The following SYNPO variants were observed in gnomAD, a reference collection of about 807,000 sequenced individuals.
The protein encoded by SYNPO is synaptopodin.
A neutral mutation model predicts 49.5 loss-of-function variants in SYNPO; 19 were observed. The observed-to-expected ratio is 0.38, with a 90% confidence interval of 0.27 to 0.56. SYNPO has a LOEUF of 0.56. SYNPO is among the 20% of genes least tolerant of loss of function. SYNPO has a pLI of 0.68. For missense variants in SYNPO, 1,131 were observed against 1,248.3 expected, an observed-to-expected ratio of 0.91 and a Z score of 1.42; for synonymous variants, 536 against 548.0, an observed-to-expected ratio of 0.98 and a Z score of 0.31.
intron 1 of SYNPO, among the ~76,000 whole-genome samples, chr5:150,611,095 T>C (rs1157828604): frequency 1.3e-5 from 2 of 152,242 alleles, no homozygotes; most frequent in South Asian, 2.1e-4. Context: ...AGATTTGTTA[T>C]GTTCATAGCA....
Position 150,610,440 on chromosome 5 carries a change from C to G in SYNPO, c.-265-7663C>G, listed in dbSNP as rs1756815542. The stretch of plus-strand genomic sequence containing the variant: ...CCTGCTCTGGGATCATGGGCACAGA[C>G]TCACCCTCTGTGAGCCTCTGCTTCC... On this transcript the variant is annotated intron_variant, in intron 1 of 2. Coordinates refer to the SYNPO transcript ENST00000394243. Among the ~76,000 whole-genome samples, 4 of 152,326 alleles carry G rather than the reference C, an allele frequency of 2.6e-5. No individual in the cohort carries two copies. In the East Asian group the frequency reaches 7.7e-4, roughly 29 times the overall value.
chr5:150,614,487 G>A (rs1433219155), intron 1 of SYNPO: 1 of 152,426 alleles, frequency 6.6e-6, no homozygotes, highest in East Asian at 1.9e-4. Context: ...TGACCCCTCA[G>A]AGGGAGCAGG....
At chr5:150,655,992 T>C (rs959999736) in intron 2 of SYNPO, among the ~76,000 whole-genome samples, 2 of 152,252 alleles carry the variant, frequency 1.3e-5, no homozygotes, top group Admixed American at 1.3e-4. Context: ...TATTGAGCAC[T>C]TTCTTCCAAG....
At chr5:150,604,572 A>G (rs1756639219) in intron 1 of SYNPO, among the ~76,000 whole-genome samples, 1 of 152,200 alleles carries the variant, frequency 6.6e-6, no homozygotes, top group Non-Finnish European at 1.5e-5. Flanking sequence ...TTAGGCGAGG[A>G]AAAACTGAAG....
chr5:150,643,348 A>C (rs144045384), intron 1 of SYNPO, among the ~76,000 whole-genome samples: 3 of 152,346 alleles, frequency 2.0e-5, no homozygotes, highest in East Asian at 1.9e-4. Context: ...TTTGGAAATT[A>C]AATAATATGA....
rs752357306 is a variant in SYNPO, at chr5:150,649,650, C to G, written c.1375C>G (p.Pro459Ala). ...AGAGTGGGCCTCCTGCCTCAAGTCA[C>G]CCCGCATCCAGGCCAAGCCGAAGCC... ...VPEWASCLKS[P>A]RIQAKPKPKP... Residue 459 changes from proline to alanine, a missense_variant, in exon 2 of 3, where the codon CCC becomes GCC. Pro to Ala is a conservative substitution (Grantham distance 27). Coordinates refer to ENST00000307662, the MANE Select transcript of SYNPO (RefSeq NM_007286.6). 15 of 1,609,436 alleles carry G rather than the reference C, an allele frequency of 9.3e-6. No individual in the cohort carries two copies. The highest frequency in any genetic ancestry group is 1.2e-5 in the Non-Finnish European group (14 of 1,179,926).
At chr5:150,595,852 A>AC in the SYNPO span, among the ~76,000 whole-genome samples, 2 of 34,274 alleles carry the variant, frequency 5.8e-5, no homozygotes, top group South Asian at 1.0e-3. Context: ...CATGCCCCCC[A>AC]CCCCCCCAGC....
rs145558678 is a variant in SYNPO at position 150,632,985 on chromosome 5, C to T, written c.400+14218C>T. 4.6e-5 allele frequency among the ~76,000 whole-genome samples: 7 copies of T among 152,296 alleles called. No individual in the cohort carries two copies. The East Asian group carries it at 1.3e-3, about 29-fold the overall frequency. Reference sequence around the variant, plus strand: ...CCTTCTGGCCCTGATCGTCCCTGCTCAGAGTCCCTACCCCTCGACCTGGGA... The same window carrying T: ...CCTTCTGGCCCTGATCGTCCCTGCTTAGAGTCCCTACCCCTCGACCTGGGA... On this transcript the variant is annotated intron_variant, in intron 2 of 2. Coordinates refer to the SYNPO transcript ENST00000394243.
intron 2 of SYNPO, among the ~76,000 whole-genome samples, chr5:150,622,797 C>T (rs1757222493): frequency 6.6e-6 from 1 of 152,242 alleles, no homozygotes; most frequent in Non-Finnish European, 1.5e-5. Context: ...TCCCCTGCTC[C>T]ACAGTGATTG....
At chr5:150,639,544 C>T (rs1014836524), upstream of SYNPO, among the ~76,000 whole-genome samples, 3 of 152,200 alleles carry the variant, frequency 2.0e-5, no homozygotes, top group African/African-American at 7.2e-5. Flanking sequence ...GGCGTCCAGG[C>T]TTGAGATCAG....
At chr5:150,625,028 AC>A in intron 2 of SYNPO, 2 of 950,354 alleles carry the variant, frequency 2.1e-6, no homozygotes, top group Non-Finnish European at 2.5e-6. Context: ...CAGTCCTCGC[AC>A]GCGGGGTGAC....
chr5:150,644,502 A>G (rs1292428047), intron 1 of SYNPO, among the ~76,000 whole-genome samples: 1 of 152,182 alleles, frequency 6.6e-6, no homozygotes, highest in Non-Finnish European at 1.5e-5. Flanking sequence ...GAATGGGGTG[A>G]CCAATTGCCA....
In SYNPO at chr5:150,656,883, C is replaced by T; in HGVS notation, c.2508C>T (p.Thr836=). The change falls in exon 3 of 3, where the codon ACC becomes ACT. Residue 836 remains threonine (T), a synonymous_variant. Transcript: ENST00000307662. ...SPLPAGPSSC[T]SPRSPLPAPP... ...TGCCCGCCGGTCCTTCGTCCTGCAC[C>T]AGTCCCCGGAGCCCGCTGCCCGCGC... The T allele has an allele frequency of 1.9e-6, 3 of 1,576,428 alleles. No homozygotes were observed. The highest frequency in any genetic ancestry group is 2.6e-6 in the Non-Finnish European group (3 of 1,162,632).
chr5:150,649,188 C>A lies in SYNPO; in HGVS notation c.913C>A (p.Pro305Thr). ...VERRMMGQRS[P>T]ASERRPLGNF... ...AAGGAGGATGATGGGGCAGCGAAGC[C>A]CGGCCTCAGAGAGACGCCCCTTGGG... The change falls in exon 2 of 3, where the codon CCG becomes ACG. Residue 305 changes from proline to threonine, a missense_variant. By Grantham distance (38) the Pro-to-Thr change is conservative (BLOSUM62 -1). This residue lies in a region of SYNPO where 602 missense variants were observed against 720.7 expected (regional missense o/e 0.84). Transcript: ENST00000307662. The A allele has an allele frequency of 6.2e-7, 1 of 1,614,186 alleles. No homozygotes were observed. Among genetic ancestry groups the A allele is most frequent in the Non-Finnish European group, 8.5e-7 (1 of 1,180,046 alleles).
intron 2 of SYNPO, among the ~76,000 whole-genome samples, chr5:150,632,815 G>C (rs778500536): frequency 1.5e-4 from 23 of 152,120 alleles, no homozygotes; most frequent in Non-Finnish European, 2.9e-4. Context: ...GAACATACTA[G>C]TGCATTATTT....
chr5:150,641,066 C>T (rs925848388), intron 1 of SYNPO, among the ~76,000 whole-genome samples: 1 of 152,324 alleles, frequency 6.6e-6, no homozygotes, highest in East Asian at 1.9e-4. Flanking sequence ...CAGTCCTTCC[C>T]ACCAAAGTCT....
intron 1 of SYNPO, chr5:150,615,217 C>G (rs1487092970): frequency 6.6e-6 from 1 of 152,234 alleles, no homozygotes; most frequent in Non-Finnish European, 1.5e-5. Context: ...GGGAGGGAAC[C>G]TTGAATTGGA....
At chr5:150,596,944 C>T (rs1341688263), upstream of SYNPO, among the ~76,000 whole-genome samples, 2 of 152,234 alleles carry the variant, frequency 1.3e-5, no homozygotes, top group East Asian at 3.8e-4. Flanking sequence ...CTTCTGTCCA[C>T]ATTCTGGATT....
Position 150,647,985 on chromosome 5 carries a change from G to A in SYNPO, c.-291G>A. 6.4e-7 allele frequency: 1 copy of A among 1,551,862 alleles called. No individual in the cohort carries two copies. Among genetic ancestry groups the A allele is most frequent in the Non-Finnish European group, 8.7e-7 (1 of 1,147,000 alleles). ...TAGCCTCACGGAGAAGGATCTGAAAGAAGCCAAGGCGCGGAGCCAGCAGAT... is the reference window on the plus strand; with the variant it reads ...TAGCCTCACGGAGAAGGATCTGAAAAAAGCCAAGGCGCGGAGCCAGCAGAT... On this transcript the variant is annotated 5_prime_UTR_variant, in exon 2 of 3. Transcript: ENST00000307662.
Sources: gnomAD v4.1 joint callset for allele counts (sites outside exome capture counted in the v4.1 genomes callset) on GRCh38, gnomAD v4.1.1 for gene constraint, gnomAD v4.1.1 regional missense constraint, MANE v1.5 for transcripts, NCBI Gene and HGNC (gene_info 2026-07-23, HGNC 2026-07-21) for gene names.